HECW2: variants seen among roughly 807,000 people sequenced by gnomAD.
HECW2 encodes the protein HECT, C2 and WW domain containing E3 ubiquitin protein ligase 2, also known as E3 ubiquitin-protein ligase HECW2.
Under a neutral mutation model 175.2 loss-of-function variants are expected in HECW2, and 61 were observed. The observed-to-expected ratio is 0.35, with a 90% CI of 0.28 to 0.43. The LOEUF (loss-of-function observed/expected upper bound fraction) is 0.43. Among genes scored for constraint, HECW2 ranks in the 20% least tolerant of loss-of-function variants. The pLI is 1.00. For missense variants in HECW2, 1,524 were observed against 2,000.5 expected (o/e 0.76, Z 4.54); for synonymous variants, 671 against 731.0 (o/e 0.92, Z 1.32).
chr2:196,407,543 CT>C (rs1208825178), intron 2 of HECW2, among the ~76,000 whole-genome samples: 1 of 152,120 alleles, frequency 6.6e-6, no homozygotes, highest in African/African-American at 2.4e-5. Context: ...TCCCAATTAC[CT>C]TTTAGAAGGT....
chr2:196,456,130 A>C (rs1055984288), intron 1 of HECW2, among the ~76,000 whole-genome samples: 3 of 152,148 alleles, frequency 2.0e-5, no homozygotes, highest in Non-Finnish European at 4.4e-5. Context: ...CTAAGCCCCA[A>C]AATGAGGAAT....
At chr2:196,269,563 T>G (rs1467621611) in intron 17 of HECW2, 1 of 150,972 alleles carries the variant, frequency 6.6e-6, no homozygotes, top group Non-Finnish European at 1.5e-5. Flanking sequence ...TGGTAATTTA[T>G]TTTCAAATCG....
At chr2:196,247,212 C>T (rs1164881473) in intron 19 of HECW2, among the ~76,000 whole-genome samples, 1 of 152,172 alleles carries the variant, frequency 6.6e-6, no homozygotes, top group Non-Finnish European at 1.5e-5. Context: ...CATCGCACCA[C>T]TGCACTCCAG....
chr2:196,577,529 T>C (rs1282330552), intron 1 of HECW2, among the ~76,000 whole-genome samples: 1 of 152,158 alleles, frequency 6.6e-6, no homozygotes, highest in Non-Finnish European at 1.5e-5. Flanking sequence ...TATAGGTCTT[T>C]GCAAAGCTCT....
intron 15 of HECW2, among the ~76,000 whole-genome samples, chr2:196,276,425 T>C (rs1044223539): frequency 6.6e-6 from 1 of 152,148 alleles, no homozygotes; most frequent in African/African-American, 2.4e-5. Flanking sequence ...GTAGAGGGGT[T>C]GAAAGAAAAT....
intron 1 of HECW2, among the ~76,000 whole-genome samples, chr2:196,561,118 G>A (rs528041151): frequency 8.5e-5 from 13 of 152,290 alleles, no homozygotes; most frequent in Admixed American, 1.3e-4. Flanking sequence ...GAGAAATATC[G>A]CTGAATTCTT....
At chr2:196,532,519 C>A (rs1688877044) in intron 1 of HECW2, among the ~76,000 whole-genome samples, 2 of 152,014 alleles carry the variant, frequency 1.3e-5, no homozygotes, top group Admixed American at 1.3e-4. Flanking sequence ...AGGAGAAATA[C>A]CTAATGTAGG....
chr2:196,323,653 T>C (rs779000675), intron 6 of HECW2, among the ~76,000 whole-genome samples: 1 of 152,216 alleles, frequency 6.6e-6, no homozygotes, highest in Non-Finnish European at 1.5e-5. Flanking sequence ...GCTAGTCCCA[T>C]AAACACTTTA....
At chr2:196,528,614 G>T (rs1401749803) in intron 1 of HECW2, among the ~76,000 whole-genome samples, 1 of 152,008 alleles carries the variant, frequency 6.6e-6, no homozygotes, top group Non-Finnish European at 1.5e-5. Flanking sequence ...CAAAACAAAA[G>T]AAAAAAGGAA....
At chr2:196,353,148 C>T (rs978566063) in intron 2 of HECW2, among the ~76,000 whole-genome samples, 2 of 152,116 alleles carry the variant, frequency 1.3e-5, no homozygotes, top group African/African-American at 4.8e-5. Context: ...CTGATGTCCC[C>T]AAAGGTGTGG....
intron 1 of HECW2, among the ~76,000 whole-genome samples, chr2:196,500,387 A>G (rs1259804290): frequency 1.3e-5 from 2 of 152,248 alleles, no homozygotes; most frequent in African/African-American, 4.8e-5. Flanking sequence ...ATGCATACAT[A>G]CATACATACA....
At chr2:196,366,735 A>C (rs748346597) in intron 2 of HECW2, among the ~76,000 whole-genome samples, 5 of 151,996 alleles carry the variant, frequency 3.3e-5, no homozygotes, top group Non-Finnish European at 4.4e-5. Context: ...CGTTGCATTA[A>C]CTCCATATTA....
intron 1 of HECW2, among the ~76,000 whole-genome samples, chr2:196,549,929 T>C (rs1028742853): frequency 2.6e-5 from 4 of 152,158 alleles, no homozygotes; most frequent in East Asian, 3.9e-4. Context: ...AAGGTAAAGG[T>C]GAAAGAGGGC....
chr2:196,525,153 G>T (rs1365945883), intron 1 of HECW2, among the ~76,000 whole-genome samples: 20 of 146,980 alleles, frequency 1.4e-4, no homozygotes, highest in African/African-American at 4.7e-4. Context: ...TTATGAATCT[G>T]GGTGCTCCTG....
chr2:196,454,419 A>T (rs2125313310), intron 1 of HECW2, among the ~76,000 whole-genome samples: 1 of 152,332 alleles, frequency 6.6e-6, no homozygotes, highest in Admixed American at 6.5e-5. Context: ...TGTATGATGT[A>T]TATACCATAA....
chr2:196,319,933 A>G (rs909624941), intron 8 of HECW2, 29 bp from the exon 9 acceptor site: 4 of 1,545,174 alleles, frequency 2.6e-6, no homozygotes, highest in African/African-American at 2.8e-5. Context: ...TTTCTAAAAA[A>G]TTAACCAGAA....
intron 2 of HECW2, among the ~76,000 whole-genome samples, chr2:196,395,220 T>A (rs1694626236): frequency 6.6e-6 from 1 of 152,076 alleles, no homozygotes; most frequent in African/African-American, 2.4e-5. Flanking sequence ...CAAAAATGGG[T>A]CAAGGACTTA....
At chr2:196,358,532 G>T (rs28417574) in intron 2 of HECW2, among the ~76,000 whole-genome samples, 37,234 of 136,178 alleles carry the variant, frequency 0.27, 6,394 homozygotes, top group African/African-American at 0.5. Flanking sequence ...GTTGCAGTGA[G>T]CCGAGATCGC....
At chr2:196,279,337 C>T (rs974035097) in intron 14 of HECW2, among the ~76,000 whole-genome samples, 1 of 152,166 alleles carries the variant, frequency 6.6e-6, no homozygotes, top group Non-Finnish European at 1.5e-5. Flanking sequence ...CGTGAGCCAC[C>T]GCGCCTGGCC....
Sources: gnomAD v4.1 joint callset for allele counts (sites outside exome capture counted in the v4.1 genomes callset) on GRCh38, gnomAD v4.1.1 for gene constraint, MANE v1.5 for transcripts, NCBI Gene and HGNC (gene_info 2026-07-23, HGNC 2026-07-21) for gene names.